KLHL5: variants seen among roughly 807,000 people sequenced by gnomAD.
KLHL5 encodes kelch-like protein 5.
A neutral mutation model predicts 77.7 loss-of-function variants in KLHL5; 48 were observed. The ratio of observed to expected loss-of-function variants is 0.62; its 90% CI spans 0.49 to 0.79. The LOEUF is 0.79. KLHL5 is among the 30% of genes least tolerant of loss of function. The probability of loss-of-function intolerance (pLI) is 0.00; values close to 1 mark genes in which losing one functional copy is unlikely to be tolerated. For synonymous variants in KLHL5, 260 were observed against 297.0 expected, an observed-to-expected ratio of 0.88 and a Z score of 1.28; for missense variants, 723 against 859.7, an observed-to-expected ratio of 0.84 and a Z score of 1.99.
chr4:39,129,385 T>C (rs1309044015), downstream of KLHL5, among the ~76,000 whole-genome samples: 1 of 152,092 alleles, frequency 6.6e-6, no homozygotes, highest in Non-Finnish European at 1.5e-5. The surrounding 1 kb of genome is among the most constrained non-coding windows in gnomAD (Gnocchi z 4.2). Context: ...TTTTTTTGTA[T>C]TTTCAGTAGA....
At chr4:39,117,992 T>C (rs914074589) in intron 10 of KLHL5, among the ~76,000 whole-genome samples, 2 of 146,156 alleles carry the variant, frequency 1.4e-5, no homozygotes, top group Non-Finnish European at 3.0e-5. Context: ...ACTCAGGAGG[T>C]GGAGATTGCA....
chr4:39,064,254 T>C (rs1485406021), intron 1 of KLHL5, among the ~76,000 whole-genome samples: 1 of 144,578 alleles, frequency 6.9e-6, no homozygotes, highest in African/African-American at 2.5e-5. Flanking sequence ...TGTATGTAGG[T>C]AAATAGTGTA....
chr4:39,063,270 T>C (rs1436001860), intron 1 of KLHL5, among the ~76,000 whole-genome samples: 1 of 152,160 alleles, frequency 6.6e-6, no homozygotes, highest in Non-Finnish European at 1.5e-5. Flanking sequence ...TTGTGTTCTA[T>C]ATATAGATCT....
At chr4:39,053,523 T>C (rs766090661) in intron 1 of KLHL5, among the ~76,000 whole-genome samples, 2 of 152,216 alleles carry the variant, frequency 1.3e-5, no homozygotes, top group Non-Finnish European at 2.9e-5. Flanking sequence ...ACATGCCAAC[T>C]GTAATGGATC....
At chr4:39,069,535 CATATATATAT>C (rs60163692) in intron 1 of KLHL5, among the ~76,000 whole-genome samples, 57 of 136,394 alleles carry the variant, frequency 4.2e-4, no homozygotes, top group African/African-American at 1.4e-3. Context: ...ACTTTTTTAC[CATATATATAT>C]ATATATATAT....
chr4:39,109,369 C>T (rs1044907517), intron 8 of KLHL5, among the ~76,000 whole-genome samples: 3 of 152,112 alleles, frequency 2.0e-5, no homozygotes, highest in Non-Finnish European at 4.4e-5. Flanking sequence ...GATCTCGGCA[C>T]ACTGCAGCCT....
At chr4:39,115,469 G>A in intron 10 of KLHL5, 139 bp downstream of exon 10, 3 of 1,515,774 alleles carry the variant, frequency 2.0e-6, no homozygotes, top group Admixed American at 2.4e-5. Context: ...TTAGCGATGA[G>A]AAAAAGAGGC....
intron 9 of KLHL5, 111 bp downstream of exon 9, chr4:39,113,343 A>G (rs1722598563): frequency 5.8e-6 from 5 of 864,504 alleles, no homozygotes; most frequent in Non-Finnish European, 8.8e-6. Flanking sequence ...TCGGCATTCA[A>G]AAATGCAAAG....
the KLHL5 span, among the ~76,000 whole-genome samples, chr4:39,136,005 CGTGT>C: frequency 0.011 from 1,563 of 145,990 alleles, 18 homozygotes; most frequent in African/African-American, 0.027. Flanking sequence ...CATTCTAACA[CGTGT>C]GTGTGTGTGT....
At chr4:39,062,209 T>C (rs867137865), upstream of KLHL5, 6 of 1,122,590 alleles carry the variant, frequency 5.3e-6, no homozygotes, top group South Asian at 8.8e-5. Context: ...AGAGTTAATA[T>C]ACTAAGCAGC....
intron 1 of KLHL5, among the ~76,000 whole-genome samples, chr4:39,049,648 A>G (rs946334520): frequency 2.6e-5 from 4 of 152,080 alleles, no homozygotes; most frequent in African/African-American, 9.7e-5. Context: ...GCAGTGAGCC[A>G]TGATCAGGCC....
intron 1 of KLHL5, among the ~76,000 whole-genome samples, chr4:39,056,605 G>A (rs768921876): frequency 5.9e-5 from 9 of 152,230 alleles, no homozygotes; most frequent in Non-Finnish European, 1.3e-4. Context: ...CATAACCAAA[G>A]ATAACCAGTG....
At position 39,125,244 on chromosome 4, in the gene KLHL5, A is replaced by T. The variant is rs1465498671; in HGVS notation, c.*4178A>T. 2.6e-5 allele frequency among the ~76,000 whole-genome samples: 4 copies of T among 152,074 alleles called. No individual in the cohort carries two copies. The highest frequency in any genetic ancestry group is 4.1e-4 in the South Asian group (2 of 4,826). On this transcript the variant is annotated 3_prime_UTR_variant, in exon 11 of 11. Transcript: ENST00000504108. ...AAACCTTCATTCGTTGTTGGTGGGA[A>T]TGTTAAATGGTGTAGCCACTGTGGA... is the stretch of plus-strand genomic sequence containing the variant.
chr4:39,070,523 T>C (rs1361232047), intron 1 of KLHL5, among the ~76,000 whole-genome samples: 1 of 152,170 alleles, frequency 6.6e-6, no homozygotes, highest in Non-Finnish European at 1.5e-5. Flanking sequence ...ATTCTTTCCT[T>C]TGGACAAAAT....
At chr4:39,138,789 A>G in the KLHL5 span, among the ~76,000 whole-genome samples, 1 of 152,352 alleles carries the variant, frequency 6.6e-6, no homozygotes, top group African/African-American at 2.4e-5. Flanking sequence ...AATGAGAACC[A>G]TGAACTATAA....
intron 1 of KLHL5, chr4:39,045,168 G>A: frequency 1.0e-6 from 1 of 984,042 alleles, no homozygotes; most frequent in Non-Finnish European, 1.2e-6. Context: ...GCCCCCACGC[G>A]ACTCTCACGC....
chr4:39,059,332 A>T (rs994153840), upstream of KLHL5, among the ~76,000 whole-genome samples: 4 of 152,178 alleles, frequency 2.6e-5, no homozygotes, highest in African/African-American at 9.6e-5. Flanking sequence ...TAGCCACTTC[A>T]TGGAGGATAT....
upstream of KLHL5, among the ~76,000 whole-genome samples, chr4:39,060,441 TACCACCACC>T (rs71192817): frequency 9.4e-5 from 14 of 148,848 alleles, no homozygotes; most frequent in Non-Finnish European, 1.8e-4. Flanking sequence ...ACTAAAAATC[TACCACCACC>T]ACCACCACCA....
In KLHL5 at chr4:39,052,389, G is replaced by A. The variant is rs550743836; in HGVS notation, c.-95+7293G>A. 2.0e-5 allele frequency among the ~76,000 whole-genome samples: 3 copies of A among 152,110 alleles called. No individual in the cohort carries two copies. In the South Asian group the frequency reaches 6.2e-4, roughly 32 times the overall value. ...CCCCTCAGCCTCCCCAGAGGGCTGC[G>A]GATCACAGGTATGAGCCACCACACC... On this transcript the variant is annotated intron_variant, in intron 1 of 11. Coordinates refer to the KLHL5 transcript ENST00000261425.
Sources: allele counts gnomAD v4.1 joint callset (sites outside exome capture counted in the v4.1 genomes callset), GRCh38; gene constraint gnomAD v4.1.1; non-coding constraint Gnocchi (gnomAD v3.1); transcripts MANE v1.5; gene names NCBI Gene and HGNC (gene_info 2026-07-23, HGNC 2026-07-21).